The following BRINP1 variants were observed in gnomAD, a reference collection of about 807,000 sequenced individuals.
The protein encoded by BRINP1 is BMP/retinoic acid inducible neural specific 1, also known as BMP/retinoic acid-inducible neural-specific protein 1.
BRINP1 carries 17 observed loss-of-function variants against 72.9 expected under a neutral mutation model. That is an observed-to-expected ratio of 0.23 (90% confidence interval 0.16 to 0.35). BRINP1 has a LOEUF of 0.35. Ranked by LOEUF, BRINP1 falls within the 10% of genes least tolerant of loss-of-function variation. The pLI, the probability that BRINP1 is intolerant of heterozygous loss-of-function variation, is 1.00. For synonymous variants in BRINP1, 418 were observed against 378.5 expected (o/e 1.10, Z -1.21); for missense variants, 850 against 1,001.6 (o/e 0.85, Z 2.04).
At chr9:119,294,456 T>G (rs1199908855) in intron 2 of BRINP1, among the ~76,000 whole-genome samples, 1 of 151,662 alleles carries the variant, frequency 6.6e-6, no homozygotes, top group African/African-American at 2.4e-5. Context: ...GAAGCTGGAG[T>G]TGGGGGTTGC....
chr9:119,188,921 T>C (rs1051980883), intron 7 of BRINP1, among the ~76,000 whole-genome samples: 7 of 152,170 alleles, frequency 4.6e-5, no homozygotes, highest in Non-Finnish European at 8.8e-5. Context: ...AATAGTGATA[T>C]ATAAATCTAT....
intron 7 of BRINP1, among the ~76,000 whole-genome samples, chr9:119,183,506 G>C (rs1206954363): frequency 1.3e-5 from 2 of 152,176 alleles, no homozygotes; most frequent in Non-Finnish European, 2.9e-5. Context: ...ACGGGGGGCT[G>C]TACAGTACAG....
At chr9:119,331,657 G>T (rs1427006702) in intron 1 of BRINP1, among the ~76,000 whole-genome samples, 1 of 152,054 alleles carries the variant, frequency 6.6e-6, no homozygotes, top group African/African-American at 2.4e-5. Flanking sequence ...GCTTTTTCTA[G>T]ACCTCCATTG....
At chr9:119,333,535 C>G (rs1831321174) in intron 1 of BRINP1, among the ~76,000 whole-genome samples, 1 of 151,646 alleles carries the variant, frequency 6.6e-6, no homozygotes, top group Non-Finnish European at 1.5e-5. Context: ...ATTTTCCCCT[C>G]CAGATTTCAT....
intron 7 of BRINP1, among the ~76,000 whole-genome samples, chr9:119,191,372 A>C (rs1304226373): frequency 2.6e-5 from 4 of 151,910 alleles, no homozygotes; most frequent in African/African-American, 9.7e-5. Context: ...TCATAATTCT[A>C]ATATGCAGAA....
At chr9:119,242,287 G>A in intron 3 of BRINP1, 71 bp from the exon 4 acceptor site, 1 of 1,307,514 alleles carries the variant, frequency 7.6e-7, no homozygotes, top group East Asian at 2.4e-5. Context: ...ATGGGACCTG[G>A]ATGCTGAAAA....
At chr9:119,268,302 A>AGATAGAT (rs1830575026) in intron 2 of BRINP1, among the ~76,000 whole-genome samples, 1 of 150,510 alleles carries the variant, frequency 6.6e-6, no homozygotes, top group South Asian at 2.1e-4. Context: ...ATAGATAGAT[A>AGATAGAT]AAAGTGTTTT....
At chr9:119,191,432 A>C (rs1253088408) in intron 7 of BRINP1, among the ~76,000 whole-genome samples, 1 of 151,972 alleles carries the variant, frequency 6.6e-6, no homozygotes, top group Non-Finnish European at 1.5e-5. Context: ...TGCATTAAAT[A>C]AAGTTGAATT....
At chr9:119,268,247 A>ATCTATCTATCTAG (rs1830571092) in intron 2 of BRINP1, among the ~76,000 whole-genome samples, 1 of 95,506 alleles carries the variant, frequency 1.0e-5, no homozygotes, top group African/African-American at 2.8e-5. Flanking sequence ...TGTCTCAATA[A>ATCTATCTATCTAG]ATAGATAGAT....
intron 2 of BRINP1, among the ~76,000 whole-genome samples, chr9:119,287,303 C>T (rs1318220421): frequency 2.0e-5 from 3 of 152,164 alleles, no homozygotes; most frequent in Non-Finnish European, 4.4e-5. Flanking sequence ...ATCTCTGCTT[C>T]GAGATGGTTC....
chr9:119,273,331 T>C (rs1397404958), intron 2 of BRINP1, among the ~76,000 whole-genome samples: 4 of 152,262 alleles, frequency 2.6e-5, no homozygotes, highest in South Asian at 2.1e-4. Context: ...TTTGGAAGAA[T>C]TGGAGAGCAA....
At chr9:119,179,570 C>T (rs1001442860) in intron 7 of BRINP1, among the ~76,000 whole-genome samples, 1 of 152,154 alleles carries the variant, frequency 6.6e-6, no homozygotes, top group Admixed American at 6.5e-5. Flanking sequence ...TCAAAAAAAT[C>T]AGTGTTTCTT....
intron 2 of BRINP1, among the ~76,000 whole-genome samples, chr9:119,256,678 G>T (rs1457203363): frequency 6.6e-6 from 1 of 152,136 alleles, no homozygotes; most frequent in Non-Finnish European, 1.5e-5. Context: ...TGCTTAAAAG[G>T]TTCTATTTTA....
At chr9:119,282,721 G>C in intron 2 of BRINP1, 2 of 888,250 alleles carry the variant, frequency 2.3e-6, no homozygotes. Flanking sequence ...TCTGGAAGGG[G>C]ACTGGGGAAC....
At chr9:119,328,887 C>A (rs1314273389) in intron 1 of BRINP1, among the ~76,000 whole-genome samples, 2 of 151,862 alleles carry the variant, frequency 1.3e-5, no homozygotes, top group Non-Finnish European at 2.9e-5. Flanking sequence ...AACAAACAAA[C>A]AAAAAAACCC....
intron 1 of BRINP1, among the ~76,000 whole-genome samples, chr9:119,333,462 CAAAAAA>C (rs544546221): frequency 2.9e-5 from 2 of 67,954 alleles, no homozygotes. Context: ...GACCTTGTTT[CAAAAAA>C]AAAAAAAAAA....
At chr9:119,325,783 A>G (rs1831233732) in intron 1 of BRINP1, among the ~76,000 whole-genome samples, 1 of 151,998 alleles carries the variant, frequency 6.6e-6, no homozygotes, top group Non-Finnish European at 1.5e-5. Context: ...TGATTGTTTT[A>G]CCCCTTAGTC....
At chr9:119,252,229 C>A (rs963802921) in intron 2 of BRINP1, among the ~76,000 whole-genome samples, 6 of 152,146 alleles carry the variant, frequency 3.9e-5, no homozygotes, top group Admixed American at 3.9e-4. Context: ...CTGGCAGTAA[C>A]CATGGGCTTA....
At chr9:119,211,381 GA>G (rs1419335284) in intron 6 of BRINP1, among the ~76,000 whole-genome samples, 1 of 152,256 alleles carries the variant, frequency 6.6e-6, no homozygotes, top group East Asian at 1.9e-4. Flanking sequence ...AGTTTTAGTA[GA>G]GACAGGGTTT....
Sources: allele counts gnomAD v4.1 joint callset (sites outside exome capture counted in the v4.1 genomes callset), GRCh38; gene constraint gnomAD v4.1.1; transcripts MANE v1.5; gene names NCBI Gene and HGNC (gene_info 2026-07-23, HGNC 2026-07-21).